The following NEDD9 variants were observed in gnomAD, a reference collection of about 807,000 sequenced individuals.
NEDD9 encodes neural precursor cell expressed, developmentally down-regulated 9, also known as enhancer of filamentation 1.
A neutral mutation model predicts 76.6 loss-of-function variants in NEDD9; 26 were observed. That is an observed-to-expected ratio of 0.34 (90% confidence interval 0.25 to 0.47). The LOEUF (loss-of-function observed/expected upper bound fraction) is 0.47. NEDD9 is among the 20% of genes least tolerant of loss of function. The pLI, the probability that NEDD9 is intolerant of heterozygous loss-of-function variation, is 1.00. For synonymous variants in NEDD9, 392 were observed against 414.2 expected, an observed-to-expected ratio of 0.95 and a Z score of 0.65; for missense variants, 937 against 1,058.5, an observed-to-expected ratio of 0.89 and a Z score of 1.59.
chr6:11,308,515 G>A (rs993730146), intron 2 of NEDD9, among the ~76,000 whole-genome samples: 2 of 150,920 alleles, frequency 1.3e-5, no homozygotes, highest in South Asian at 2.1e-4. Flanking sequence ...GACTACAGGC[G>A]CCCGCCACTA....
chr6:11,293,378 C>T (rs988561109), intron 3 of NEDD9, among the ~76,000 whole-genome samples: 2 of 152,076 alleles, frequency 1.3e-5, no homozygotes, highest in African/African-American at 4.8e-5. Context: ...TGTTAGCAGC[C>T]CAGGATTGGG....
At position 11,308,470 on chromosome 6, in the gene NEDD9, C is replaced by T. The variant is rs935874369; in HGVS notation, c.-152-2315G>A. ...CTGCAAGCTCCGCCTCCCAGGTTCA[C>T]GCCATTCTCCTGCCTCAGCCTCCCG... On this transcript the variant is annotated intron_variant, in intron 2 of 3. Transcript: ENST00000397378. 2.0e-5 allele frequency among the ~76,000 whole-genome samples: 3 copies of T among 148,744 alleles called. No homozygotes were observed. In the Admixed American group the frequency reaches 2.0e-4, roughly 10 times the overall value.
Position 11,213,812 on chromosome 6 carries a change from G to A in NEDD9, c.13-85C>T. On this transcript the variant is annotated intron_variant, in intron 1 of 6. Transcript: ENST00000379446. This position sits in a 1 kb window ranked among gnomAD's most constrained non-coding sequence, Gnocchi z 5.4. ...CTAAGGCCCGTGCTCTTATGGAAAGGCACACTTCCTGGAAAGAGAGAAGCA... is the reference window on the plus strand; with the variant it reads ...CTAAGGCCCGTGCTCTTATGGAAAGACACACTTCCTGGAAAGAGAGAAGCA... 8.4e-7 allele frequency: 1 copy of A among 1,187,698 alleles called. No individual in the cohort carries two copies. Among genetic ancestry groups the A allele is most frequent in the Non-Finnish European group, 1.2e-6 (1 of 832,142 alleles). The allele number at this position is 1,187,698 out of a possible 1,614,324, so 73.6% of individuals were successfully genotyped here.
In NEDD9 at chr6:11,185,573, A is replaced by G. The variant is rs559715850; in HGVS notation, c.2094T>C (p.Ser698=). Residue 698 remains serine (S), a synonymous_variant, in exon 7 of 7, where the codon AGT becomes AGC. Transcript: ENST00000379446. ...KPSQSLPTTN[S]GVSAQDRQLL... ...ACTGCCGATCCTGAGCACTCACGCC[A>G]CTGTTTGTGGTGGGTAGGCTCTGAG... The G allele has an allele frequency of 3.7e-5, 60 of 1,614,180 alleles. No individual in the cohort carries two copies. In the South Asian group the frequency reaches 5.8e-4, roughly 16 times the overall value.
At chr6:11,315,906 A>G (rs1761540275) in intron 2 of NEDD9, among the ~76,000 whole-genome samples, 1 of 152,228 alleles carries the variant, frequency 6.6e-6, no homozygotes, top group South Asian at 2.1e-4. Context: ...CAACCACCTG[A>G]CCAGGAAAAA....
chr6:11,203,235 C>T (rs1758508575), intron 2 of NEDD9, among the ~76,000 whole-genome samples: 1 of 152,164 alleles, frequency 6.6e-6, no homozygotes, highest in South Asian at 2.1e-4. Flanking sequence ...ACAGCAAAGC[C>T]ATTTTTTTTC....
At chr6:11,219,564 T>C (rs1013144473) in intron 1 of NEDD9, among the ~76,000 whole-genome samples, 3 of 152,222 alleles carry the variant, frequency 2.0e-5, no homozygotes, top group African/African-American at 7.2e-5. Context: ...AATGCATGCA[T>C]GCAGAGGACA....
rs1455762701 is a variant in NEDD9 at position 11,184,139 on chromosome 6, A to G, written c.*1023T>C. 6.6e-6 allele frequency: 1 copy of G among 152,204 alleles called. No homozygotes were observed. The highest frequency in any genetic ancestry group is 2.4e-5 in the African/African-American group (1 of 41,440). 9.4% of individuals were successfully genotyped at this position (152,204 alleles called of 1,614,324 possible). On this transcript the variant is annotated 3_prime_UTR_variant, in exon 7 of 7. Transcript: ENST00000379446. The stretch of plus-strand genomic sequence containing the variant: ...GCAATAAATTCCCTTAGAGAGCAGG[A>G]TATGTCCTGGTAGCTCTATAGTTCC...
intron 1 of NEDD9, among the ~76,000 whole-genome samples, chr6:11,358,694 T>C (rs1473666414): frequency 1.3e-5 from 2 of 152,176 alleles, no homozygotes; most frequent in South Asian, 4.1e-4. Flanking sequence ...CTCTTAATAA[T>C]TGCCTCTTGA....
At chr6:11,355,713 A>G (rs1490690686) in intron 1 of NEDD9, among the ~76,000 whole-genome samples, 1 of 149,564 alleles carries the variant, frequency 6.7e-6, no homozygotes, top group East Asian at 2.0e-4. Flanking sequence ...TGAGAGCTTT[A>G]GGTTTTTTTT....
intron 3 of NEDD9, among the ~76,000 whole-genome samples, chr6:11,238,200 G>T (rs868801288): frequency 2.6e-5 from 4 of 152,272 alleles, no homozygotes; most frequent in Middle Eastern, 6.8e-3. Flanking sequence ...TAACAGCCCT[G>T]TGAGGTAGCT....
Position 11,213,466 on chromosome 6 carries a change from A to G in NEDD9, c.274T>C (p.Tyr92His). Reference protein sequence around the residue: ...MQQTFGQQKLYQVPNPQAAPR... With the variant: ...MQQTFGQQKLHQVPNPQAAPR... ...GCAGCCTGTGGGTTTGGCACTTGAT[A>G]GAGCTTCTGTTGGCCAAAGGTCTGC... Residue 92 changes from tyrosine (Y) to histidine (H), a missense_variant, in exon 2 of 7, where the codon TAT (tyrosine) becomes CAT (histidine). By Grantham distance (83) the Tyr-to-His change is moderately conservative (BLOSUM62 2). Transcript: ENST00000379446. The surrounding 1 kb of genome is among the most constrained non-coding windows in gnomAD (Gnocchi z 5.4). 1 of 1,614,124 alleles carries G rather than the reference A, an allele frequency of 6.2e-7. No homozygotes were observed. The highest frequency in any genetic ancestry group is 8.5e-7 in the Non-Finnish European group (1 of 1,180,030).
At chr6:11,288,498 T>C (rs1426686240) in intron 3 of NEDD9, among the ~76,000 whole-genome samples, 1 of 152,218 alleles carries the variant, frequency 6.6e-6, no homozygotes, top group East Asian at 1.9e-4. Flanking sequence ...TAATGGATCT[T>C]AGAATGCTGC....
At chr6:11,222,408 T>C (rs1759168466) in intron 1 of NEDD9, among the ~76,000 whole-genome samples, 1 of 152,188 alleles carries the variant, frequency 6.6e-6, no homozygotes, top group Admixed American at 6.5e-5. Context: ...GTGTTTACAG[T>C]CATACACTGT....
At chr6:11,196,162 G>T (rs1381239126) in intron 2 of NEDD9, among the ~76,000 whole-genome samples, 3 of 152,084 alleles carry the variant, frequency 2.0e-5, no homozygotes, top group African/African-American at 7.2e-5. Context: ...AAATTAGCCA[G>T]GTGTGGTGGT....
Position 11,285,188 on chromosome 6 carries a change from C to T in NEDD9, c.12+20804G>A, listed in dbSNP as rs924701242. On this transcript the variant is annotated intron_variant, in intron 3 of 3. Transcript: ENST00000397378. Reference sequence around the variant, plus strand: ...AAGCCTAAGCCTCTGGTGCCTTTAGCTTGTCAGTCTTGAAGGGGAAATTGA... The same window carrying T: ...AAGCCTAAGCCTCTGGTGCCTTTAGTTTGTCAGTCTTGAAGGGGAAATTGA... Among the ~76,000 whole-genome samples the T allele has an allele frequency of 3.3e-5, 5 of 152,262 alleles. No homozygotes were observed. The East Asian group carries it at 9.6e-4, about 29-fold the overall frequency.
At chr6:11,345,885 T>C (rs774513838) in intron 1 of NEDD9, among the ~76,000 whole-genome samples, 3 of 152,260 alleles carry the variant, frequency 2.0e-5, no homozygotes, top group Admixed American at 1.3e-4. Context: ...CCCTGGCTCA[T>C]GCCTTGCAGG....
intron 1 of NEDD9, among the ~76,000 whole-genome samples, chr6:11,228,632 G>A (rs927408727): frequency 2.0e-5 from 3 of 151,884 alleles, no homozygotes; most frequent in Non-Finnish European, 4.4e-5. Context: ...AGGGACTGAC[G>A]TGTATCCCAG....
At chr6:11,287,024 C>A (rs1760663858) in intron 3 of NEDD9, among the ~76,000 whole-genome samples, 2 of 152,138 alleles carry the variant, frequency 1.3e-5, no homozygotes, top group Admixed American at 6.5e-5. Context: ...TCTGGTTGGG[C>A]TCACACAATT....
Sources: allele counts gnomAD v4.1 joint callset (sites outside exome capture counted in the v4.1 genomes callset), GRCh38; gene constraint gnomAD v4.1.1; non-coding constraint Gnocchi (gnomAD v3.1); transcripts MANE v1.5; gene names NCBI Gene and HGNC (gene_info 2026-07-23, HGNC 2026-07-21).